Variants in SNAPC4 observed in about 807,000 individuals in gnomAD.
The protein encoded by SNAPC4 is snRNA-activating protein complex subunit 4.
In SNAPC4, 127 loss-of-function variants were observed where a neutral mutation model predicts 151.3. That is an observed-to-expected ratio of 0.84 (90% confidence interval 0.73 to 0.97). SNAPC4 has a LOEUF of 0.97. Among genes scored for constraint, SNAPC4 ranks in the 50% least tolerant of loss-of-function variants. SNAPC4 has a pLI of 0.00. For missense variants in SNAPC4, 2,186 were observed against 1,935.0 expected (o/e 1.13, Z -2.43); for synonymous variants, 1,002 against 824.4 (o/e 1.22, Z -3.69).
In SNAPC4 at chr9:136,377,790, G is replaced by A. The variant is rs370504482; in HGVS notation, c.4037C>T (p.Ala1346Val). 401 of 1,611,912 alleles carry A rather than the reference G, an allele frequency of 2.5e-4. 1 individual carries two copies. The highest frequency in any genetic ancestry group is 3.1e-4 in the Non-Finnish European group (370 of 1,179,698). Residue 1346 changes from alanine (A) to valine (V), a missense_variant, in exon 22 of 24, where the codon GCC becomes GTC. Ala to Val is a moderately conservative substitution (Grantham distance 64). Coordinates refer to ENST00000684778, the MANE Select transcript of SNAPC4 (RefSeq NM_003086.4). ...EAERPAGALQ[A>V]SLGLVRGQLQ... ...CTGCCCCCGCACCAGCCCCAGTGAGGCTTGCAGTGCTCCGGCCGGCCGCTC... is the reference window on the plus strand; with the variant it reads ...CTGCCCCCGCACCAGCCCCAGTGAGACTTGCAGTGCTCCGGCCGGCCGCTC...
Position 136,378,415 on chromosome 9 carries a change from C to T in SNAPC4, c.3412G>A (p.Ala1138Thr). 1 of 1,603,212 alleles carries T rather than the reference C, an allele frequency of 6.2e-7. No homozygotes were observed. The highest frequency in any genetic ancestry group is 1.1e-5 in the South Asian group (1 of 90,530). ...GGCTCCGGTTCCCTGTTCATATTGG[C>T]TGGGGGCTGCCAAGAGCTGCTCAAC... ...PALSSSWQPP[A>T]NMNREPEPSC... The change falls in exon 22 of 24, where the codon GCC becomes ACC. Residue 1138 changes from alanine to threonine, a missense_variant. Physicochemically the swap from Ala to Thr is moderately conservative, Grantham distance 58. Transcript: ENST00000684778.
chr9:136,382,377 C>T (rs752880339), intron 16 of SNAPC4, 41 bp from the exon 17 acceptor site: 11 of 1,558,166 alleles, frequency 7.1e-6, no homozygotes, highest in South Asian at 5.6e-5. Flanking sequence ...GCGGGGTGTA[C>T]GGGACACATG....
rs774882265 is a variant in SNAPC4 at position 136,378,471 on chromosome 9, G to C, written c.3356C>G (p.Thr1119Ser). The change falls in exon 22 of 24, where the codon ACT becomes AGT. Residue 1119 changes from threonine to serine, a missense_variant. Physicochemically the swap from Thr to Ser is moderately conservative, Grantham distance 58. Transcript: ENST00000684778. ...LATLLPPLTETRAAQGPRAPA... is the reference protein window; with the variant it reads ...LATLLPPLTESRAAQGPRAPA... ...GGCCCTGGGGCCCTGGGCCGCCCGAGTCTCAGTCAGGGGAGGCAGCAGAGT... is the reference window on the plus strand; with the variant it reads ...GGCCCTGGGGCCCTGGGCCGCCCGACTCTCAGTCAGGGGAGGCAGCAGAGT... 6 of 1,589,922 alleles carry C rather than the reference G, an allele frequency of 3.8e-6. No individual in the cohort carries two copies. In the South Asian group the frequency reaches 5.6e-5, roughly 15 times the overall value.
chr9:136,384,816 T>C lies in SNAPC4; in HGVS notation c.1326-2A>G. On this transcript the variant is annotated splice_acceptor_variant, in intron 13 of 23. Coordinates refer to ENST00000684778, the MANE Select transcript of SNAPC4 (RefSeq NM_003086.4). LOFTEE classifies it high-confidence loss of function. The stretch of plus-strand genomic sequence containing the variant: ...CTGAAATGTAATCTCCTGAGATACC[T>C]GAACGTGACATGAAAAGCAAAGAAC... 1 of 1,553,716 alleles carries C rather than the reference T, an allele frequency of 6.4e-7. No individual in the cohort carries two copies. The highest frequency in any genetic ancestry group is 8.8e-7 in the Non-Finnish European group (1 of 1,141,248).
Position 136,383,740 on chromosome 9 carries a change from G to C in SNAPC4, c.1501-72C>G, listed in dbSNP as rs1174295685. 4 of 1,539,618 alleles carry C rather than the reference G, an allele frequency of 2.6e-6. No individual in the cohort carries two copies. The highest frequency in any genetic ancestry group is 1.9e-5 in the Admixed American group (1 of 53,138). On this transcript the variant is annotated intron_variant, in intron 15 of 23. Transcript: ENST00000684778. This position sits in a 1 kb window ranked among gnomAD's most constrained non-coding sequence, Gnocchi z 4.2. ...ACCCATGATGGCAGCAAGCAGGCCA[G>C]CCCTTTGGGGAGAGGCCCAAGCGGG...
At position 136,394,707 on chromosome 9, in the gene SNAPC4, A is replaced by G; in HGVS notation, c.550+93T>C. 4 of 1,116,690 alleles carry G rather than the reference A, an allele frequency of 3.6e-6. No homozygotes were observed. The South Asian group carries it at 5.4e-5, about 15-fold the overall frequency. The allele number at this position is 1,116,690 out of a possible 1,614,324, so 69.2% of individuals were successfully genotyped here. ...GGAGCCATGAGGTCACAACAGAGAG[A>G]GGTCTGAGAACTTGGGGAGAAACTG... On this transcript the variant is annotated intron_variant, in intron 6 of 23. Transcript: ENST00000684778.
Position 136,392,665 on chromosome 9 carries a change from C to A in SNAPC4, c.737+8G>T. 6.2e-7 allele frequency: 1 copy of A among 1,613,598 alleles called. No homozygotes were observed. Reference sequence around the variant, plus strand: ...CTCCCCTGGGCCCTCCCGGGAGGCCCCCCTCACTTGATGTCCTGGATCTCC... The same window carrying A: ...CTCCCCTGGGCCCTCCCGGGAGGCCACCCTCACTTGATGTCCTGGATCTCC... On this transcript the variant is annotated splice_region_variant and intron_variant, in intron 8 of 23. Transcript: ENST00000684778.
chr9:136,382,209 G>A, intron 17 of SNAPC4, 44 bp downstream of exon 17: 3 of 1,602,626 alleles, frequency 1.9e-6, no homozygotes, highest in Non-Finnish European at 2.6e-6. Flanking sequence ...GACCAGGGCG[G>A]GGCACGTGGT....
rs757653328 is a variant in SNAPC4, at chr9:136,391,992, C to T, written c.925G>A (p.Ala309Thr). 2.2e-5 allele frequency: 36 copies of T among 1,609,106 alleles called. No individual in the cohort carries two copies. The highest frequency in any genetic ancestry group is 1.1e-4 in the South Asian group (10 of 91,080). ...CACTCCAGGTGGCCGTGTGCAGCCG[C>T]GATCGCCTGCAGCCGCTCCTCCTCC... ...REEEERLQAI[A>T]AAHGHLEWQK... The change falls in exon 10 of 24, where the codon GCG becomes ACG. Residue 309 changes from alanine to threonine, a missense_variant. Ala to Thr is a moderately conservative substitution (Grantham distance 58). Transcript: ENST00000684778.
intron 13 of SNAPC4, among the ~76,000 whole-genome samples, chr9:136,385,594 C>T (rs916144266): frequency 3.3e-5 from 5 of 151,908 alleles, no homozygotes; most frequent in East Asian, 1.9e-4. Context: ...GGCTCACTGT[C>T]GCCCAGGCTG....
rs191215909 is a variant in SNAPC4 at position 136,398,998 on chromosome 9, C to G, written c.-9-561G>C. The stretch of plus-strand genomic sequence containing the variant: ...TCCCAAAGGGAAGGCTGGCTGTTCT[C>G]TGTACATCCAGAACAACGCCTGGAA... On this transcript the variant is annotated intron_variant, in intron 1 of 23. Coordinates refer to ENST00000684778, the MANE Select transcript of SNAPC4 (RefSeq NM_003086.4). Among the ~76,000 whole-genome samples, 932 of 152,384 alleles carry G rather than the reference C, an allele frequency of 6.1e-3. 8 individuals are homozygous for G. Among genetic ancestry groups the G allele is most frequent in the African/African-American group, 0.021 (858 of 41,592 alleles).
intron 16 of SNAPC4, among the ~76,000 whole-genome samples, 161 bp from the exon 17 acceptor site, chr9:136,382,497 G>A (rs1002935624): frequency 6.6e-6 from 1 of 152,224 alleles, no homozygotes; most frequent in Non-Finnish European, 1.5e-5. Flanking sequence ...TGGGAAGCGT[G>A]GGTTCCCCAG....
intron 10 of SNAPC4, 32 bp downstream of exon 10, chr9:136,391,907 TCTC>T (rs1451385242): frequency 6.3e-7 from 1 of 1,589,250 alleles, no homozygotes. Context: ...CGCCCTCAGG[TCTC>T]CTGGCCCCTG....
intron 22 of SNAPC4, among the ~76,000 whole-genome samples, 172 bp from the exon 23 acceptor site, chr9:136,376,653 C>T (rs1833457221): frequency 6.6e-6 from 1 of 152,134 alleles, no homozygotes; most frequent in Admixed American, 6.5e-5. Flanking sequence ...CGTGACTGTG[C>T]ACTCCCTCCC....
chr9:136,392,520 AC>A lies in SNAPC4; in HGVS notation c.810+1del. Reference sequence around the variant, plus strand: ...TGGGGCTCAGACCTGCCCCTGACTTACGTTAATATTGGAAATCTTCTCCCAG... The same window carrying A: ...TGGGGCTCAGACCTGCCCCTGACTTAGTTAATATTGGAAATCTTCTCCCAG... On this transcript the variant is annotated splice_donor_variant, in intron 9 of 23. Coordinates refer to ENST00000684778, the MANE Select transcript of SNAPC4 (RefSeq NM_003086.4). LOFTEE classifies it high-confidence loss of function. 1 of 1,613,542 alleles carries A rather than the reference AC, an allele frequency of 6.2e-7. No homozygotes were observed. Among genetic ancestry groups the A allele is most frequent in the Non-Finnish European group, 8.5e-7 (1 of 1,179,906 alleles).
chr9:136,394,197 G>T (rs1486806595), intron 7 of SNAPC4, 52 bp downstream of exon 7: 2 of 1,421,688 alleles, frequency 1.4e-6, no homozygotes, highest in Non-Finnish European at 2.0e-6. Context: ...TTCCAGGCAT[G>T]AGCCCTATGC....
chr9:136,390,684 A>C (rs546372524), intron 10 of SNAPC4, among the ~76,000 whole-genome samples: 44 of 151,976 alleles, frequency 2.9e-4, no homozygotes, highest in African/African-American at 1.0e-3. Flanking sequence ...TACGGAACCA[A>C]ACTGCACATC....
In SNAPC4 at chr9:136,384,049, C is replaced by G. The variant is rs1389101168; in HGVS notation, c.1421-17G>C. 6.2e-7 allele frequency: 1 copy of G among 1,607,758 alleles called. No homozygotes were observed. Among genetic ancestry groups the G allele is most frequent in the Non-Finnish European group, 8.5e-7 (1 of 1,175,258 alleles). ...CCCAGTGACCTGCAAAAGCCAAACC[C>G]CATGGAAATGCCTTCATCCAAAGAT... On this transcript the variant is annotated splice_polypyrimidine_tract_variant and intron_variant, in intron 14 of 23. Coordinates refer to ENST00000684778, the MANE Select transcript of SNAPC4 (RefSeq NM_003086.4).
Position 136,378,419 on chromosome 9 carries a change from G to A in SNAPC4, c.3408C>T (p.Pro1136=). 1 of 1,602,680 alleles carries A rather than the reference G, an allele frequency of 6.2e-7. No homozygotes were observed. Among genetic ancestry groups the A allele is most frequent in the Admixed American group, 1.7e-5 (1 of 59,704 alleles). ...RAPALSSSWQ[P]PANMNREPEP... is the part of the protein sequence containing the mutation. The stretch of plus-strand genomic sequence containing the variant: ...CCGGTTCCCTGTTCATATTGGCTGG[G>A]GGCTGCCAAGAGCTGCTCAACGCTG... The change falls in exon 22 of 24, where the codon CCC becomes CCT. Residue 1136 remains proline, a synonymous_variant. Transcript: ENST00000684778.
Sources: allele counts gnomAD v4.1 joint callset (sites outside exome capture counted in the v4.1 genomes callset), GRCh38; gene constraint gnomAD v4.1.1; non-coding constraint Gnocchi (gnomAD v3.1); transcripts MANE v1.5; gene names NCBI Gene and HGNC (gene_info 2026-07-23, HGNC 2026-07-21).